TXNDC8: variants seen among roughly 807,000 people sequenced by gnomAD.
The protein encoded by TXNDC8 is thioredoxin domain containing 8.
TXNDC8 carries 15 observed loss-of-function variants against 12.9 expected under a neutral mutation model. The ratio of observed to expected loss-of-function variants is 1.16; its 90% CI spans 0.78 to 1.79. The LOEUF is 1.79. Among genes scored for constraint, TXNDC8 ranks in the 40% most tolerant of loss-of-function variants. TXNDC8 has a pLI of 0.00. For synonymous variants in TXNDC8, 40 were observed against 35.4 expected (o/e 1.13, Z -0.46); for missense variants, 128 against 113.2 (o/e 1.13, Z -0.59).
At chr9:110,323,976 G>T (rs751422132) in intron 3 of TXNDC8, 2 of 1,550,772 alleles carry the variant, frequency 1.3e-6, no homozygotes, top group South Asian at 1.2e-5. Context: ...GAGTTCACTG[G>T]TTGGTGTAGG....
intron 3 of TXNDC8, among the ~76,000 whole-genome samples, chr9:110,322,181 CAA>C (rs1402867487): frequency 3.5e-5 from 3 of 85,964 alleles, no homozygotes; most frequent in African/African-American, 1.2e-4. Flanking sequence ...TAAATGGTCT[CAA>C]GTTTTTTTTT....
chr9:110,320,537 C>T (rs145006820), intron 3 of TXNDC8, among the ~76,000 whole-genome samples: 129 of 152,254 alleles, frequency 8.5e-4, no homozygotes, highest in African/African-American at 1.1e-3. Context: ...AGCATGAGAA[C>T]GGATTAATAC....
chr9:110,336,736 TA>T (rs1394454977), intron 1 of TXNDC8, among the ~76,000 whole-genome samples: 1 of 152,180 alleles, frequency 6.6e-6, no homozygotes. Context: ...ATTTGTAGTA[TA>T]TTAGTGCTAA....
chr9:110,322,643 A>G, intron 3 of TXNDC8: 1 of 985,450 alleles, frequency 1.0e-6, no homozygotes, highest in Non-Finnish European at 1.2e-6. Context: ...AAAATGGAGT[A>G]AAAACTGTTG....
At chr9:110,317,387 A>C (rs531675405) in intron 3 of TXNDC8, among the ~76,000 whole-genome samples, 1 of 152,156 alleles carries the variant, frequency 6.6e-6, no homozygotes, top group Non-Finnish European at 1.5e-5. Context: ...AGGTGAGCTT[A>C]TCTGTTAAGC....
Position 110,328,577 on chromosome 9 carries a change from C to T in TXNDC8, c.130-2337G>A, listed in dbSNP as rs550442638. Among the ~76,000 whole-genome samples, 3 of 152,330 alleles carry T rather than the reference C, an allele frequency of 2.0e-5. No homozygotes were observed. The South Asian group carries it at 6.2e-4, about 32-fold the overall frequency. On this transcript the variant is annotated intron_variant, in intron 2 of 4. Coordinates refer to ENST00000423740, the MANE Select transcript of TXNDC8 (RefSeq NM_001286946.2). Reference sequence around the variant, plus strand: ...ATCCCAACACTTTGGGAGGCTGAGGCAGGTGGATCACCTGAGGTTGGGAGT... The same window carrying T: ...ATCCCAACACTTTGGGAGGCTGAGGTAGGTGGATCACCTGAGGTTGGGAGT...
At chr9:110,327,877 A>C (rs113000773) in intron 2 of TXNDC8, among the ~76,000 whole-genome samples, 66 of 152,156 alleles carry the variant, frequency 4.3e-4, no homozygotes, top group African/African-American at 1.5e-3. Context: ...GATTGTAGTG[A>C]TGATTGCACA....
chr9:110,326,017 G>T (rs1385357692), intron 3 of TXNDC8, among the ~76,000 whole-genome samples, 158 bp downstream of exon 4: 2 of 152,126 alleles, frequency 1.3e-5, no homozygotes, highest in Non-Finnish European at 2.9e-5. Context: ...TAAAGTTGTT[G>T]TATGTAAAGT....
At chr9:110,324,026 T>C (rs1433164038) in intron 3 of TXNDC8, 2 of 1,546,648 alleles carry the variant, frequency 1.3e-6, no homozygotes, top group South Asian at 2.4e-5. Flanking sequence ...GGGATAAGAA[T>C]GCAAAAGGGA....
At chr9:110,324,032 AG>A in intron 3 of TXNDC8, 1 of 1,545,380 alleles carries the variant, frequency 6.5e-7, no homozygotes, top group Non-Finnish European at 8.7e-7. Flanking sequence ...AGAATGCAAA[AG>A]GGAGTGGTTC....
Position 110,304,485 on chromosome 9 carries a change from A to T in TXNDC8, c.243T>A (p.Ser81Arg), listed in dbSNP as rs1322160629. The change falls in exon 4 of 5, where the codon AGT becomes AGA. Residue 81 changes from serine to arginine, a missense_variant. Transcript: ENST00000423740. ...CACTTACCAGGTTGCTCATGAATCC[A>T]CTTCTATAACAGCAAATTATTCTTT... The T allele has an allele frequency of 2.9e-5, 46 of 1,609,916 alleles. No homozygotes were observed. The highest frequency in any genetic ancestry group is 2.5e-6 in the Non-Finnish European group (3 of 1,177,504).
chr9:110,328,006 A>C (rs1326380289), intron 2 of TXNDC8, among the ~76,000 whole-genome samples: 1 of 152,238 alleles, frequency 6.6e-6, no homozygotes, highest in Non-Finnish European at 1.5e-5. Flanking sequence ...AGCTTGAAGG[A>C]AATGGAGAAA....
In TXNDC8 at chr9:110,303,604, G is replaced by C. The variant is rs769143900; in HGVS notation, c.*78C>G. The C allele has an allele frequency of 3.8e-6, 6 of 1,562,908 alleles. No homozygotes were observed. Among genetic ancestry groups the C allele is most frequent in the Non-Finnish European group, 5.2e-6 (6 of 1,150,158 alleles). ...AAAATCTGTTCACAAATGCACAAAG[G>C]TGAAACATTTATTGATTCAAGTGCT... On this transcript the variant is annotated 3_prime_UTR_variant, in exon 5 of 5. Coordinates refer to ENST00000423740, the MANE Select transcript of TXNDC8 (RefSeq NM_001286946.2).
chr9:110,319,768 G>A (rs1839022733), intron 3 of TXNDC8, among the ~76,000 whole-genome samples: 1 of 152,190 alleles, frequency 6.6e-6, no homozygotes, highest in African/African-American at 2.4e-5. Context: ...AAGAAACAGA[G>A]TGTGTGACCC....
At chr9:110,315,488 G>A (rs977050664) in intron 3 of TXNDC8, among the ~76,000 whole-genome samples, 6 of 152,072 alleles carry the variant, frequency 3.9e-5, no homozygotes, top group East Asian at 3.9e-4. Context: ...TGGAGACAGC[G>A]GTCCCCTCCT....
chr9:110,323,252 G>A (rs12686168), intron 3 of TXNDC8: 178,256 of 985,108 alleles, frequency 0.18, 17,068 homozygotes, highest in East Asian at 0.46. Context: ...GGTAGAATGG[G>A]AAATGGATTG....
chr9:110,311,695 T>C (rs1470176309), intron 3 of TXNDC8, among the ~76,000 whole-genome samples: 46 of 134,788 alleles, frequency 3.4e-4, no homozygotes, highest in African/African-American at 7.2e-4. Flanking sequence ...TATATATATA[T>C]ACATGGATAT....
At chr9:110,332,999 T>G (rs1839602290) in intron 2 of TXNDC8, among the ~76,000 whole-genome samples, 1 of 152,202 alleles carries the variant, frequency 6.6e-6, no homozygotes, top group Non-Finnish European at 1.5e-5. Flanking sequence ...AAATACTGCA[T>G]GATTCAATTT....
intron 3 of TXNDC8, among the ~76,000 whole-genome samples, chr9:110,325,589 T>C (rs975299340): frequency 2.7e-4 from 41 of 150,624 alleles, no homozygotes; most frequent in Admixed American, 5.3e-4. Context: ...GGCGCGATCT[T>C]GGCTCACTGC....
Sources: allele counts gnomAD v4.1 joint callset (sites outside exome capture counted in the v4.1 genomes callset), GRCh38; gene constraint gnomAD v4.1.1; transcripts MANE v1.5; gene names NCBI Gene and HGNC (gene_info 2026-07-23, HGNC 2026-07-21).